DRC8: variants seen among roughly 807,000 people sequenced by gnomAD.
DRC8 encodes the protein dynein regulatory complex protein 8.
At chr1:244,989,704 G>C in the DRC8 span, among the ~76,000 whole-genome samples, 11 of 152,098 alleles carry the variant, frequency 7.2e-5, no homozygotes, top group Admixed American at 7.2e-4. Flanking sequence ...CCACACTCAA[G>C]GAGTATGGAG....
the DRC8 span, chr1:245,082,221 A>C: frequency 6.9e-7 from 1 of 1,456,910 alleles, no homozygotes; most frequent in Non-Finnish European, 9.6e-7. Flanking sequence ...GAATCCATTC[A>C]TTTCAGGACG....
At chr1:245,025,901 G>A in the DRC8 span, among the ~76,000 whole-genome samples, 6 of 152,138 alleles carry the variant, frequency 3.9e-5, no homozygotes, top group Non-Finnish European at 5.9e-5. Flanking sequence ...CTCCTCCTTC[G>A]CCTTCCACCA....
At chr1:245,026,627 A>G in the DRC8 span, among the ~76,000 whole-genome samples, 1 of 152,228 alleles carries the variant, frequency 6.6e-6, no homozygotes, top group Non-Finnish European at 1.5e-5. Context: ...CTGGGTCCAC[A>G]CACCCCTCAA....
chr1:245,013,220 C>A, the DRC8 span, among the ~76,000 whole-genome samples: 1 of 152,100 alleles, frequency 6.6e-6, no homozygotes, highest in Non-Finnish European at 1.5e-5. Flanking sequence ...ATTTGCCAGA[C>A]CTCGAGAAAA....
At chr1:245,013,745 TCTGGGCCGGGCGCAGAGG>T in the DRC8 span, among the ~76,000 whole-genome samples, 3 of 152,208 alleles carry the variant, frequency 2.0e-5, no homozygotes, top group East Asian at 5.8e-4. Context: ...AGTAGTTAAC[TCTGGGCCGGGCGCAGAGG>T]CTCACACCTG....
At chr1:245,025,377 C>G in the DRC8 span, among the ~76,000 whole-genome samples, 2 of 152,182 alleles carry the variant, frequency 1.3e-5, no homozygotes, top group Non-Finnish European at 2.9e-5. Context: ...GTGTCACCCT[C>G]TTTTTATTTC....
At chr1:244,984,134 G>T in the DRC8 span, among the ~76,000 whole-genome samples, 3 of 151,728 alleles carry the variant, frequency 2.0e-5, no homozygotes, top group Admixed American at 2.0e-4. Context: ...TTTTTGGGGG[G>T]GGGGAATAAT....
the DRC8 span, among the ~76,000 whole-genome samples, chr1:245,081,255 G>A: frequency 3.3e-5 from 5 of 151,870 alleles, no homozygotes; most frequent in African/African-American, 1.2e-4. Context: ...TCTGCCTCCT[G>A]GGTTCACGTG....
chr1:245,071,924 G>A, the DRC8 span, among the ~76,000 whole-genome samples: 2 of 152,208 alleles, frequency 1.3e-5, no homozygotes, highest in African/African-American at 2.4e-5. Context: ...ACCTATGAGA[G>A]TGGATAAAAT....
At chr1:245,016,084 C>T in the DRC8 span, among the ~76,000 whole-genome samples, 1 of 147,762 alleles carries the variant, frequency 6.8e-6, no homozygotes, top group Non-Finnish European at 1.5e-5. Flanking sequence ...CAGGTTCAAG[C>T]AATTCTCCTG....
At chr1:244,970,569 C>G in the DRC8 span, 1 of 1,307,612 alleles carries the variant, frequency 7.6e-7, no homozygotes, top group Non-Finnish European at 1.0e-6. Context: ...AAAGGGCGGC[C>G]TGAGGAGGGG....
chr1:245,049,580 G>A, the DRC8 span, among the ~76,000 whole-genome samples: 1 of 151,866 alleles, frequency 6.6e-6, no homozygotes, highest in Non-Finnish European at 1.5e-5. This position sits in a 1 kb window ranked among gnomAD's most constrained non-coding sequence, Gnocchi z 4.5. Context: ...GCCAATCCTA[G>A]ACTAAAAAAA....
At chr1:245,005,625 G>C in the DRC8 span, among the ~76,000 whole-genome samples, 1 of 152,262 alleles carries the variant, frequency 6.6e-6, no homozygotes, top group East Asian at 1.9e-4. Context: ...TTACAGGCGT[G>C]AGCCACTGGC....
chr1:244,984,967 C>T, the DRC8 span, among the ~76,000 whole-genome samples: 1 of 151,334 alleles, frequency 6.6e-6, no homozygotes, highest in Non-Finnish European at 1.5e-5. Flanking sequence ...TGCTGTAAAT[C>T]TGGTTATTGG....
the DRC8 span, among the ~76,000 whole-genome samples, chr1:244,999,970 C>G: frequency 2.0e-5 from 3 of 152,202 alleles, no homozygotes; most frequent in Admixed American, 6.5e-5. Flanking sequence ...AGGCATGTGC[C>G]ACCACACTCA....
At chr1:244,969,872 A>C in the DRC8 span, 3 of 420,032 alleles carry the variant, frequency 7.1e-6, no homozygotes, top group Non-Finnish European at 4.2e-6. Flanking sequence ...TCCCGGCGGG[A>C]GGCGGGCTGC....
the DRC8 span, among the ~76,000 whole-genome samples, chr1:245,050,483 G>C: frequency 2.0e-5 from 3 of 152,114 alleles, no homozygotes; most frequent in Non-Finnish European, 4.4e-5. Context: ...GGGGGTCACT[G>C]CTTGAATATT....
the DRC8 span, among the ~76,000 whole-genome samples, chr1:244,979,449 A>C: frequency 6.6e-6 from 1 of 151,644 alleles, no homozygotes; most frequent in Non-Finnish European, 1.5e-5. Flanking sequence ...GGGATTACAG[A>C]CATGTGCCAC....
At chr1:244,981,615 C>T in the DRC8 span, among the ~76,000 whole-genome samples, 2 of 152,156 alleles carry the variant, frequency 1.3e-5, no homozygotes, top group African/African-American at 2.4e-5. Flanking sequence ...GTCATCACTC[C>T]GGTTGCTCCT....
Sources: gnomAD v4.1 joint callset for allele counts (sites outside exome capture counted in the v4.1 genomes callset) on GRCh38, gnomAD v4.1.1 for gene constraint, Gnocchi (gnomAD v3.1) non-coding constraint, MANE v1.5 for transcripts, NCBI Gene and HGNC (gene_info 2026-07-23, HGNC 2026-07-21) for gene names.